The following FOXP2 variants were observed in gnomAD, a reference collection of about 807,000 sequenced individuals.
FOXP2 encodes forkhead box protein P2.
FOXP2 carries 12 observed loss-of-function variants against 115.8 expected under a neutral mutation model. The ratio of observed to expected loss-of-function variants is 0.10; its 90% CI spans 0.07 to 0.17. The LOEUF (loss-of-function observed/expected upper bound fraction) is 0.17, where lower values mean the gene tolerates loss of function less well. Among genes scored for constraint, FOXP2 ranks in the 10% least tolerant of loss-of-function variants. FOXP2 has a pLI of 1.00. For synonymous variants in FOXP2, 328 were observed against 297.7 expected (o/e 1.10, Z -1.05); for missense variants, 629 against 843.5 (o/e 0.75, Z 3.15).
At chr7:114,447,972 G>T (rs1794910768) in intron 2 of FOXP2, among the ~76,000 whole-genome samples, 1 of 152,048 alleles carries the variant, frequency 6.6e-6, no homozygotes, top group Admixed American at 6.6e-5. Context: ...TTTAAGATAG[G>T]TTAACCTTCA....
At chr7:114,295,615 T>C (rs1796724142) in intron 2 of FOXP2, among the ~76,000 whole-genome samples, 1 of 152,230 alleles carries the variant, frequency 6.6e-6, no homozygotes, top group African/African-American at 2.4e-5. Context: ...GAGTTTTTAC[T>C]ATTGTCTGCC....
chr7:114,110,937 T>G (rs1044753131), intron 1 of FOXP2, among the ~76,000 whole-genome samples: 3 of 152,162 alleles, frequency 2.0e-5, no homozygotes, highest in Non-Finnish European at 2.9e-5. Flanking sequence ...TTCACTGATA[T>G]GTTGGACTAG....
At chr7:114,465,756 A>G (rs902112743) in intron 2 of FOXP2, among the ~76,000 whole-genome samples, 4 of 152,174 alleles carry the variant, frequency 2.6e-5, no homozygotes, top group African/African-American at 9.7e-5. Flanking sequence ...CACTTTGGGA[A>G]GCGAGTGTTA....
intron 1 of FOXP2, among the ~76,000 whole-genome samples, chr7:114,264,263 C>G (rs1795838978): frequency 6.6e-6 from 1 of 152,088 alleles, no homozygotes; most frequent in Non-Finnish European, 1.5e-5. Context: ...TTTTAAATTT[C>G]TCAGTTGAAT....
intron 3 of FOXP2, among the ~76,000 whole-genome samples, chr7:114,590,226 A>C (rs1425523139): frequency 2.6e-5 from 4 of 152,214 alleles, no homozygotes; most frequent in African/African-American, 7.2e-5. Context: ...GATTCCTATC[A>C]AAGACAGTTT....
intron 1 of FOXP2, among the ~76,000 whole-genome samples, chr7:114,163,351 T>A (rs1792890424): frequency 6.6e-6 from 1 of 152,112 alleles, no homozygotes; most frequent in African/African-American, 2.4e-5. Context: ...GAATTTTGAG[T>A]ATTCTGATGA....
chr7:114,234,545 G>A (rs765834527), intron 1 of FOXP2, among the ~76,000 whole-genome samples: 7 of 152,152 alleles, frequency 4.6e-5, no homozygotes, highest in Non-Finnish European at 8.8e-5. Flanking sequence ...CCTAGGTTAC[G>A]ACATGAATTA....
chr7:114,615,988 A>C (rs1803928973), intron 3 of FOXP2, among the ~76,000 whole-genome samples: 1 of 152,184 alleles, frequency 6.6e-6, no homozygotes, highest in African/African-American at 2.4e-5. Flanking sequence ...CTTTCCTAGA[A>C]TATATCAATG....
chr7:114,581,789 C>T (rs536394574), intron 3 of FOXP2, among the ~76,000 whole-genome samples: 11 of 152,300 alleles, frequency 7.2e-5, no homozygotes, highest in African/African-American at 2.4e-4. Flanking sequence ...CCCCTAGTCC[C>T]TGGAAACCAC....
chr7:114,184,844 T>C (rs1295355067), intron 1 of FOXP2, among the ~76,000 whole-genome samples: 1 of 152,184 alleles, frequency 6.6e-6, no homozygotes, highest in Non-Finnish European at 1.5e-5. Flanking sequence ...GTAGATGACC[T>C]TAAACACATT....
intron 11 of FOXP2, among the ~76,000 whole-genome samples, 173 bp from the exon 12 acceptor site, chr7:114,659,183 G>A (rs943666263): frequency 6.6e-6 from 1 of 152,130 alleles, no homozygotes; most frequent in East Asian, 1.9e-4. Context: ...TTTGCACTTC[G>A]CGTCAGAAAT....
At chr7:114,419,471 A>G (rs1465369173) in intron 1 of FOXP2, among the ~76,000 whole-genome samples, 1 of 151,914 alleles carries the variant, frequency 6.6e-6, no homozygotes, top group Non-Finnish European at 1.5e-5. Context: ...CTTGTTTTAT[A>G]CACACTTGAT....
intron 2 of FOXP2, among the ~76,000 whole-genome samples, chr7:114,341,723 A>G (rs758970576): frequency 3.3e-5 from 5 of 151,296 alleles, no homozygotes; most frequent in Non-Finnish European, 5.9e-5. Flanking sequence ...CCTAACCTAA[A>G]GAAAGATACG....
chr7:114,122,009 A>G (rs1791580115), intron 1 of FOXP2, among the ~76,000 whole-genome samples: 1 of 152,136 alleles, frequency 6.6e-6, no homozygotes, highest in African/African-American at 2.4e-5. Context: ...CATGGATTAA[A>G]TGAGTCCATC....
intron 2 of FOXP2, among the ~76,000 whole-genome samples, chr7:114,528,368 T>C (rs1798973966): frequency 1.3e-5 from 2 of 152,060 alleles, no homozygotes; most frequent in Non-Finnish European, 1.5e-5. Context: ...TAAAACATTG[T>C]CTATGGCCTT....
At chr7:114,119,202 T>C (rs938180756) in intron 1 of FOXP2, among the ~76,000 whole-genome samples, 1 of 152,022 alleles carries the variant, frequency 6.6e-6, no homozygotes, top group African/African-American at 2.4e-5. Flanking sequence ...GTCTGCTGAG[T>C]ATTCTAATAT....
chr7:114,282,702 A>G (rs1235750896), intron 1 of FOXP2, among the ~76,000 whole-genome samples: 1 of 152,170 alleles, frequency 6.6e-6, no homozygotes, highest in East Asian at 1.9e-4. Context: ...GTCCTTGTGG[A>G]GTTTAAACTG....
At chr7:114,686,121 AAAT>A (rs1402201392) in intron 16 of FOXP2, among the ~76,000 whole-genome samples, 1 of 152,164 alleles carries the variant, frequency 6.6e-6, no homozygotes, top group Non-Finnish European at 1.5e-5. Context: ...AATAGTTTAC[AAAT>A]AATAAGTTTT....
At chr7:114,676,650 G>A (rs907112296) in intron 16 of FOXP2, among the ~76,000 whole-genome samples, 1 of 151,786 alleles carries the variant, frequency 6.6e-6, no homozygotes, top group African/African-American at 2.4e-5. Context: ...ATATCTATAG[G>A]GTTTTTTAAA....
Sources: gnomAD v4.1 joint callset for allele counts (sites outside exome capture counted in the v4.1 genomes callset) on GRCh38, gnomAD v4.1.1 for gene constraint, MANE v1.5 for transcripts, NCBI Gene and HGNC (gene_info 2026-07-23, HGNC 2026-07-21) for gene names.